POU2F1: variants seen among roughly 807,000 people sequenced by gnomAD.
POU2F1 encodes the protein POU domain, class 2, transcription factor 1.
POU2F1 carries 16 observed loss-of-function variants against 84.9 expected under a neutral mutation model. The observed-to-expected ratio is 0.19, with a 90% CI of 0.13 to 0.29. The LOEUF (loss-of-function observed/expected upper bound fraction) is 0.29. Among genes scored for constraint, POU2F1 ranks in the 10% least tolerant of loss-of-function variants. The probability of loss-of-function intolerance (pLI) is 1.00; values close to 1 mark genes in which losing one functional copy is unlikely to be tolerated. For missense variants in POU2F1, 738 were observed against 942.6 expected, an observed-to-expected ratio of 0.78 and a Z score of 2.84; for synonymous variants, 368 against 368.3, an observed-to-expected ratio of 1.00 and a Z score of 0.01.
intron 1 of POU2F1, among the ~76,000 whole-genome samples, chr1:167,244,158 T>C (rs191748698): frequency 6.6e-6 from 1 of 152,254 alleles, no homozygotes; most frequent in African/African-American, 2.4e-5. Flanking sequence ...AACTTTGGAA[T>C]TGGGAGTACA....
chr1:167,274,858 A>C (rs1218450596), intron 1 of POU2F1, among the ~76,000 whole-genome samples: 1 of 152,130 alleles, frequency 6.6e-6, no homozygotes, highest in Non-Finnish European at 1.5e-5. Context: ...CCATCTAAAA[A>C]TAATGACAAC....
At chr1:167,272,664 TCA>T (rs773849727) in intron 1 of POU2F1, among the ~76,000 whole-genome samples, 3 of 152,206 alleles carry the variant, frequency 2.0e-5, no homozygotes, top group Admixed American at 6.5e-5. Flanking sequence ...TTGTGAGAAC[TCA>T]CTATTACAAG....
chr1:167,267,504 G>C (rs1326436249), intron 1 of POU2F1, among the ~76,000 whole-genome samples: 1 of 151,530 alleles, frequency 6.6e-6, no homozygotes, highest in Admixed American at 6.6e-5. Context: ...CTGCAGTTCT[G>C]TTTTTATATT....
Position 167,416,006 on chromosome 1 carries a change from C to T in POU2F1, c.*196C>T, listed in dbSNP as rs184530699. The T allele has an allele frequency of 1.6e-3, 1,037 of 661,556 alleles. 7 individuals carry two copies. The highest frequency in any genetic ancestry group is 6.0e-4 in the Admixed American group (19 of 31,820). 41.0% of individuals were successfully genotyped at this position (661,556 alleles called of 1,614,324 possible). Reference sequence around the variant, plus strand: ...CAGAAAAAGAAAGAAAGGATGGAGACGGAACATTTGCCTAATTTTGTAATA... The same window carrying T: ...CAGAAAAAGAAAGAAAGGATGGAGATGGAACATTTGCCTAATTTTGTAATA... On this transcript the variant is annotated 3_prime_UTR_variant, in exon 16 of 16. Transcript: ENST00000367866.
rs1426574492 is a variant in POU2F1 at position 167,374,221 on chromosome 1, T to C, written c.516T>C (p.Ala172=). 2 of 1,613,856 alleles carry C rather than the reference T, an allele frequency of 1.2e-6. No individual in the cohort carries two copies. Among genetic ancestry groups the C allele is most frequent in the Non-Finnish European group, 1.7e-6 (2 of 1,179,974 alleles). ...QHSASQQHSA[A]GATISASAAT... The stretch of plus-strand genomic sequence containing the variant: ...CCGCCAGCCAGCAGCACAGTGCTGC[T>C]GGAGCCACCATCTCCGCCTCTGCTG... The change falls in exon 6 of 16, where the codon GCT becomes GCC. Residue 172 remains alanine, a synonymous_variant. Coordinates refer to ENST00000367866, the MANE Select transcript of POU2F1 (RefSeq NM_002697.4).
chr1:167,328,629 C>A (rs894451695), intron 1 of POU2F1, among the ~76,000 whole-genome samples: 5 of 152,140 alleles, frequency 3.3e-5, no homozygotes, highest in South Asian at 2.1e-4. Context: ...ACTCTGTCTC[C>A]TGTACCTCCC....
chr1:167,255,777 A>G (rs1055313752), intron 1 of POU2F1, among the ~76,000 whole-genome samples: 13 of 152,308 alleles, frequency 8.5e-5, no homozygotes, highest in Admixed American at 7.8e-4. Context: ...GGAGACAAGA[A>G]AGACGAAGTA....
rs570386830 is a variant in POU2F1 at position 167,314,751 on chromosome 1, G to C, written c.62-17719G>C. 3.9e-5 allele frequency among the ~76,000 whole-genome samples: 6 copies of C among 152,272 alleles called. No homozygotes were observed. In the East Asian group the frequency reaches 1.2e-3, roughly 29 times the overall value. On this transcript the variant is annotated intron_variant, in intron 1 of 15. Transcript: ENST00000367866. ...ATCACACCACTGAACTCCAGCCTGGGTGACAAAAGTGAGACCTTATCTCCA... is the reference window on the plus strand; with the variant it reads ...ATCACACCACTGAACTCCAGCCTGGCTGACAAAAGTGAGACCTTATCTCCA...
chr1:167,361,162 G>A (rs182158261), intron 2 of POU2F1, among the ~76,000 whole-genome samples: 48 of 152,034 alleles, frequency 3.2e-4, no homozygotes, highest in African/African-American at 1.2e-3. Flanking sequence ...CTATTTAGAT[G>A]CTGTTTATTT....
At chr1:167,239,123 A>G (rs1002186756) in intron 1 of POU2F1, among the ~76,000 whole-genome samples, 1 of 152,076 alleles carries the variant, frequency 6.6e-6, no homozygotes, top group African/African-American at 2.4e-5. Flanking sequence ...AACACTACCT[A>G]TCCCTTCTAC....
chr1:167,256,697 T>C (rs960304424), intron 1 of POU2F1, among the ~76,000 whole-genome samples: 6 of 152,206 alleles, frequency 3.9e-5, no homozygotes, highest in African/African-American at 1.4e-4. Flanking sequence ...TTTGGATGTG[T>C]TGCCTTTGAA....
At chr1:167,245,394 A>G (rs1571155499) in intron 1 of POU2F1, among the ~76,000 whole-genome samples, 2 of 149,020 alleles carry the variant, frequency 1.3e-5, no homozygotes, top group Non-Finnish European at 3.0e-5. Flanking sequence ...CAGGTGCACC[A>G]CCACCATGCC....
Position 167,334,936 on chromosome 1 carries a change from A to G in POU2F1, c.127+2401A>G, listed in dbSNP as rs184739505. 2.1e-3 allele frequency among the ~76,000 whole-genome samples: 253 copies of G among 123,256 alleles called. 2 individuals are homozygous for G. The highest frequency in any genetic ancestry group is 4.4e-4 in the Non-Finnish European group (24 of 54,808). 80.9% of individuals were successfully genotyped at this position (123,256 alleles called of 152,430 possible). On this transcript the variant is annotated intron_variant, in intron 2 of 15. Transcript: ENST00000367866. ...GATTCAGAATATGTTTGTGTAGATC[A>G]TTTTTTCCTGAAATGTTTACAATTG...
chr1:167,348,432 T>A (rs1022388145), intron 2 of POU2F1, among the ~76,000 whole-genome samples: 1 of 152,210 alleles, frequency 6.6e-6, no homozygotes, highest in Non-Finnish European at 1.5e-5. Context: ...CCATAGCAGC[T>A]GAACCATTTT....
rs1660169809 is a variant in POU2F1, at chr1:167,374,031, T to C, written c.403-77T>C. 8 of 1,399,978 alleles carry C rather than the reference T, an allele frequency of 5.7e-6. No individual in the cohort carries two copies. In the African/African-American group the frequency reaches 7.1e-5, roughly 12 times the overall value. 86.7% of individuals were successfully genotyped at this position (1,399,978 alleles called of 1,614,324 possible). A position where few individuals can be genotyped will look rare whatever the true frequency, so the allele number is the denominator to read the frequency against. Reference sequence around the variant, plus strand: ...GGGGACTGATATCATTTGAGTTACCTATTTTAAAGCAGTTGGCTTGCATTA... The same window carrying C: ...GGGGACTGATATCATTTGAGTTACCCATTTTAAAGCAGTTGGCTTGCATTA... On this transcript the variant is annotated intron_variant, in intron 5 of 15. Coordinates refer to ENST00000367866, the MANE Select transcript of POU2F1 (RefSeq NM_002697.4).
intron 2 of POU2F1, among the ~76,000 whole-genome samples, chr1:167,337,343 A>G (rs1400684229): frequency 6.6e-6 from 1 of 151,956 alleles, no homozygotes; most frequent in Non-Finnish European, 1.5e-5. Context: ...AGAAAGAAAA[A>G]AGAGAATGCA....
chr1:167,287,797 A>G (rs960293499), intron 1 of POU2F1, among the ~76,000 whole-genome samples: 6 of 152,336 alleles, frequency 3.9e-5, no homozygotes, highest in East Asian at 1.9e-4. Flanking sequence ...AGGAAGCACA[A>G]TGAAACTCCA....
At chr1:167,286,270 C>G (rs931190974) in intron 1 of POU2F1, among the ~76,000 whole-genome samples, 1 of 152,126 alleles carries the variant, frequency 6.6e-6, no homozygotes, top group African/African-American at 2.4e-5. Flanking sequence ...TAGAGTCAGT[C>G]CCTCTTTCAT....
At chr1:167,306,357 C>A (rs1473076422) in intron 1 of POU2F1, among the ~76,000 whole-genome samples, 3 of 152,056 alleles carry the variant, frequency 2.0e-5, no homozygotes, top group Non-Finnish European at 4.4e-5. Context: ...ATTTTCTGGC[C>A]TGTGGATTAA....
Sources: gnomAD v4.1 joint callset for allele counts (sites outside exome capture counted in the v4.1 genomes callset) on GRCh38, gnomAD v4.1.1 for gene constraint, MANE v1.5 for transcripts, NCBI Gene and HGNC (gene_info 2026-07-23, HGNC 2026-07-21) for gene names.